The following SLC13A3 variants were observed in gnomAD, a reference collection of about 807,000 sequenced individuals.
SLC13A3 encodes the protein Na(+)/dicarboxylate cotransporter 3.
SLC13A3 carries 40 observed loss-of-function variants against 59.0 expected under a neutral mutation model. The observed-to-expected ratio is 0.68, with a 90% CI of 0.53 to 0.88. The LOEUF (loss-of-function observed/expected upper bound fraction) is 0.88, where lower values mean the gene tolerates loss of function less well. Ranked by LOEUF, SLC13A3 falls within the 40% of genes least tolerant of loss-of-function variation. SLC13A3 has a pLI of 0.00. For synonymous variants in SLC13A3, 317 were observed against 330.3 expected, an observed-to-expected ratio of 0.96 and a Z score of 0.44; for missense variants, 699 against 783.2, an observed-to-expected ratio of 0.89 and a Z score of 1.28.
intron 1 of SLC13A3, among the ~76,000 whole-genome samples, chr20:46,680,623 C>T (rs76712291): frequency 0.015 from 2,210 of 152,358 alleles, 50 homozygotes; most frequent in African/African-American, 0.051. Flanking sequence ...TAATGTGAGA[C>T]TGCAAAGTCC....
rs977885395 is a variant in SLC13A3 at position 46,598,255 on chromosome 20, G to A, written c.608+1716C>T. On this transcript the variant is annotated intron_variant, in intron 4 of 12. Transcript: ENST00000279027. The stretch of plus-strand genomic sequence containing the variant: ...TGAGTAGCTGATTTCCAGTATGACA[G>A]GAAGGCAAAGACCAGAAGCAGGTGG... Among the ~76,000 whole-genome samples, 7 of 152,308 alleles carry A rather than the reference G, an allele frequency of 4.6e-5. No individual in the cohort carries two copies. In the South Asian group the frequency reaches 1.0e-3, roughly 23 times the overall value.
intron 1 of SLC13A3, among the ~76,000 whole-genome samples, chr20:46,677,047 G>C (rs1600637376): frequency 6.6e-6 from 1 of 152,248 alleles, no homozygotes; most frequent in East Asian, 1.9e-4. Flanking sequence ...CCAAGTAGCT[G>C]GGATTACAGG....
At chr20:46,668,463 C>T (rs1267473158) in intron 1 of SLC13A3, among the ~76,000 whole-genome samples, 6 of 152,186 alleles carry the variant, frequency 3.9e-5, no homozygotes, top group African/African-American at 1.4e-4. Context: ...CCCTAACTCT[C>T]ATTAATTCTG....
rs542054530 is a variant in SLC13A3, at chr20:46,570,248, T to A, written c.1333-3858A>T. Among the ~76,000 whole-genome samples, 3 of 152,364 alleles carry A rather than the reference T, an allele frequency of 2.0e-5. No homozygotes were observed. In the South Asian group the frequency reaches 6.2e-4, roughly 32 times the overall value. ...AGTAAGCACTGAATATGATCTATCATTTAATTTAACAAAGCAACATAGTGC... is the reference window on the plus strand; with the variant it reads ...AGTAAGCACTGAATATGATCTATCAATTAATTTAACAAAGCAACATAGTGC... On this transcript the variant is annotated intron_variant, in intron 10 of 12. Transcript: ENST00000279027.
At chr20:46,669,844 A>C (rs1256592932) in intron 1 of SLC13A3, among the ~76,000 whole-genome samples, 1 of 152,164 alleles carries the variant, frequency 6.6e-6, no homozygotes, top group Admixed American at 6.5e-5. Flanking sequence ...TTTACAATGG[A>C]TTTATTGAGA....
At chr20:46,618,280 G>T (rs551570202) in intron 1 of SLC13A3, among the ~76,000 whole-genome samples, 1 of 152,296 alleles carries the variant, frequency 6.6e-6, no homozygotes, top group Non-Finnish European at 1.5e-5. Context: ...TGCTTCCACT[G>T]CTCAAGGAGA....
At chr20:46,611,514 G>A (rs2062493412) in intron 2 of SLC13A3, among the ~76,000 whole-genome samples, 1 of 152,126 alleles carries the variant, frequency 6.6e-6, no homozygotes, top group African/African-American at 2.4e-5. Context: ...TCCAGGAGGA[G>A]GCGCAGCTAC....
chr20:46,566,202 TC>T, intron 11 of SLC13A3, 26 bp downstream of exon 11: 1 of 1,589,928 alleles, frequency 6.3e-7, no homozygotes, highest in Non-Finnish European at 8.6e-7. Context: ...GGAGGGGTGC[TC>T]CCCTCTTCCC....
chr20:46,661,134 T>G (rs2063027055), intron 1 of SLC13A3, among the ~76,000 whole-genome samples: 1 of 152,250 alleles, frequency 6.6e-6, no homozygotes, highest in African/African-American at 2.4e-5. Flanking sequence ...ATACTTTTCT[T>G]TAATGACTGT....
upstream of SLC13A3, among the ~76,000 whole-genome samples, chr20:46,655,743 C>CTA (rs951013669): frequency 2.8e-4 from 40 of 143,658 alleles, no homozygotes; most frequent in African/African-American, 7.9e-4. Context: ...TATATATATA[C>CTA]TATATATATA....
chr20:46,652,547 ATTTT>A (rs11471373), upstream of SLC13A3, among the ~76,000 whole-genome samples: 146 of 117,792 alleles, frequency 1.2e-3, no homozygotes, highest in East Asian at 0.01. Context: ...TATCTGGCTA[ATTTT>A]TTTTTTTTTT....
intron 9 of SLC13A3, among the ~76,000 whole-genome samples, chr20:46,577,611 C>A (rs1290598588): frequency 6.6e-6 from 1 of 152,200 alleles, no homozygotes; most frequent in East Asian, 1.9e-4. Flanking sequence ...GACTGTCTGT[C>A]ACATGCCAAG....
intron 3 of SLC13A3, among the ~76,000 whole-genome samples, chr20:46,607,459 A>G (rs2062447088): frequency 6.6e-6 from 1 of 152,176 alleles, no homozygotes. Flanking sequence ...TACTGGAATT[A>G]GCCTTGTTTT....
At chr20:46,671,132 G>A (rs1233880408), upstream of SLC13A3, among the ~76,000 whole-genome samples, 1 of 152,132 alleles carries the variant, frequency 6.6e-6, no homozygotes, top group East Asian at 1.9e-4. Flanking sequence ...CCTTGGCTAT[G>A]AGCCCATTTG....
chr20:46,647,350 G>A (rs980403730), intron 1 of SLC13A3, among the ~76,000 whole-genome samples: 4 of 152,168 alleles, frequency 2.6e-5, no homozygotes, highest in Admixed American at 2.0e-4. Context: ...GGGGCATAAG[G>A]CAGGAAAGGG....
chr20:46,620,871 T>A (rs1346152765), intron 1 of SLC13A3, among the ~76,000 whole-genome samples: 1 of 151,702 alleles, frequency 6.6e-6, no homozygotes. Context: ...AGAGCAGAAC[T>A]GTCAATGGAA....
At chr20:46,649,529 C>A (rs2062932359) in intron 1 of SLC13A3, among the ~76,000 whole-genome samples, 1 of 152,118 alleles carries the variant, frequency 6.6e-6, no homozygotes, top group South Asian at 2.1e-4. Context: ...CTCTTCTTGC[C>A]AGAGAGCTCT....
At chr20:46,658,338 C>T (rs778437417) in intron 1 of SLC13A3, among the ~76,000 whole-genome samples, 2 of 152,002 alleles carry the variant, frequency 1.3e-5, no homozygotes, top group African/African-American at 4.8e-5. Flanking sequence ...GATTGCCAAG[C>T]AATGGGGGTC....
chr20:46,657,667 T>G (rs1372995480), intron 1 of SLC13A3, among the ~76,000 whole-genome samples: 2 of 152,062 alleles, frequency 1.3e-5, no homozygotes, highest in African/African-American at 4.8e-5. Flanking sequence ...CTGAGTAATT[T>G]ATAAAGAAAA....
Sources: gnomAD v4.1 joint callset for allele counts (sites outside exome capture counted in the v4.1 genomes callset) on GRCh38, gnomAD v4.1.1 for gene constraint, MANE v1.5 for transcripts, NCBI Gene and HGNC (gene_info 2026-07-23, HGNC 2026-07-21) for gene names.